Variants in HDLBP observed in about 807,000 individuals in gnomAD.
HDLBP encodes the protein vigilin.
Under a neutral mutation model 137.3 loss-of-function variants are expected in HDLBP, and 30 were observed. The ratio of observed to expected loss-of-function variants is 0.22; its 90% CI spans 0.16 to 0.30. The LOEUF (loss-of-function observed/expected upper bound fraction) is 0.30, where lower values mean the gene tolerates loss of function less well. Among genes scored for constraint, HDLBP ranks in the 10% least tolerant of loss-of-function variants. The pLI, the probability that HDLBP is intolerant of heterozygous loss-of-function variation, is 1.00. For missense variants in HDLBP, 1,119 were observed against 1,667.3 expected, an observed-to-expected ratio of 0.67 and a Z score of 5.73; for synonymous variants, 606 against 596.0, an observed-to-expected ratio of 1.02 and a Z score of -0.24.
intron 3 of HDLBP, 106 bp from the exon 4 acceptor site, chr2:241,264,711 A>G (rs2073514140): frequency 2.7e-6 from 3 of 1,131,612 alleles, no homozygotes; most frequent in African/African-American, 3.1e-5. Flanking sequence ...GAACCATCAA[A>G]TGCTCCAAGG....
rs1456326486 is a variant in HDLBP, at chr2:241,266,829, T to A, written c.41A>T (p.Glu14Val). 6.2e-7 allele frequency: 1 copy of A among 1,613,816 alleles called. No homozygotes were observed. The highest frequency in any genetic ancestry group is 8.5e-7 in the Non-Finnish European group (1 of 1,179,798). The change falls in exon 3 of 28, where the codon GAA (glutamate) becomes GTA (valine). Residue 14 changes from glutamate to valine, a missense_variant. Coordinates refer to ENST00000310931, the MANE Select transcript of HDLBP (RefSeq NM_005336.6). ...TTGCGGAACCAGCCCACTTCGGTGT[T>A]CAGCAAAACTCTCTTGGGTCAAAAC... The part of the protein sequence containing the change: ...VAVLTQESFA[E>V]HRSGLVPQQI...
chr2:241,290,807 C>T (rs183363746), intron 1 of HDLBP, among the ~76,000 whole-genome samples: 4 of 152,200 alleles, frequency 2.6e-5, no homozygotes, highest in African/African-American at 4.8e-5. Context: ...AATGTCAGAG[C>T]GGCGGCCTAA....
In HDLBP at chr2:241,240,593, C is replaced by G. The variant is rs2149399354; in HGVS notation, c.2170-471G>C. On this transcript the variant is annotated intron_variant, in intron 17 of 27. Coordinates refer to ENST00000310931, the MANE Select transcript of HDLBP (RefSeq NM_005336.6). The surrounding 1 kb of genome is among the most constrained non-coding windows in gnomAD (Gnocchi z 5.5). ...CAGACCAAGCACACACAAATCTGGG[C>G]CAGGCTCCCTTTCTTCCCACGAGTG... 6.6e-6 allele frequency among the ~76,000 whole-genome samples: 1 copy of G among 152,284 alleles called. No individual in the cohort carries two copies. The highest frequency in any genetic ancestry group is 1.9e-4 in the East Asian group (1 of 5,186).
chr2:241,259,107 C>T (rs748498358), intron 5 of HDLBP, among the ~76,000 whole-genome samples: 2 of 152,178 alleles, frequency 1.3e-5, no homozygotes, highest in African/African-American at 4.8e-5. Flanking sequence ...AATTACAGTA[C>T]GCCCACAGAA....
In HDLBP at chr2:241,272,714, C is replaced by T. The variant is rs1267593183; in HGVS notation, c.-102-4173G>A. Reference sequence around the variant, plus strand: ...CCCCCGCCCGGCAGCCCGCCCGCCCCGTCCGCCCGCCCGCCCAGGCCTCCC... The same window carrying T: ...CCCCCGCCCGGCAGCCCGCCCGCCCTGTCCGCCCGCCCGCCCAGGCCTCCC... On this transcript the variant is annotated intron_variant, in intron 1 of 27. Transcript: ENST00000310931. The surrounding 1 kb of genome is among the most constrained non-coding windows in gnomAD (Gnocchi z 5.6). 6.7e-6 allele frequency: 4 copies of T among 593,240 alleles called. No homozygotes were observed. Among genetic ancestry groups the T allele is most frequent in the African/African-American group, 6.3e-5 (3 of 47,934 alleles). 36.7% of individuals were successfully genotyped at this position (593,240 alleles called of 1,614,324 possible).
In HDLBP at chr2:241,235,176, GCCCGGT is replaced by G; in HGVS notation, c.3083_3088del (p.Asp1028_Arg1029del). ...CACACGCTCCAGCAGTCCAGCCTTGGCCCGGTCCAAATTTGCAGCGAGGCCCGTGAT... is the reference window on the plus strand; with the variant it reads ...CACACGCTCCAGCAGTCCAGCCTTGGCCAAATTTGCAGCGAGGCCCGTGAT... On this transcript the variant is annotated inframe_deletion, in exon 23 of 28. Transcript: ENST00000310931. The G allele has an allele frequency of 6.2e-7, 1 of 1,614,128 alleles. No homozygotes were observed. Among genetic ancestry groups the G allele is most frequent in the Non-Finnish European group, 8.5e-7 (1 of 1,180,026 alleles).
In HDLBP at chr2:241,239,683, C is replaced by G. The variant is rs756541532; in HGVS notation, c.2529G>C (p.Gln843His). Reference sequence around the variant, plus strand: ...CGCCCTTGAGGGTGACTTTGTCGCTCTGTGTGCCAGAGCGTGGGAAGCTGA... The same window carrying G: ...CGCCCTTGAGGGTGACTTTGTCGCTGTGTGTGCCAGAGCGTGGGAAGCTGA... ...VMVSFPRSGT[Q>H]SDKVTLKGAK... is the part of the protein sequence containing the mutation. Residue 843 changes from glutamine to histidine, a missense_variant, in exon 19 of 28, where the codon CAG (glutamine) becomes CAC (histidine). Physicochemically the swap from Gln to His is conservative, Grantham distance 24. This residue lies in a region of HDLBP where 618 missense variants were observed against 816.7 expected (regional missense o/e 0.76). Coordinates refer to ENST00000310931, the MANE Select transcript of HDLBP (RefSeq NM_005336.6). The surrounding 1 kb of genome is among the most constrained non-coding windows in gnomAD (Gnocchi z 4.6). The G allele has an allele frequency of 4.8e-5, 78 of 1,614,098 alleles. No individual in the cohort carries two copies. Among genetic ancestry groups the G allele is most frequent in the Non-Finnish European group, 5.8e-5 (69 of 1,180,044 alleles).
intron 1 of HDLBP, among the ~76,000 whole-genome samples, chr2:241,282,464 TC>T (rs1338018578): frequency 6.6e-6 from 1 of 152,184 alleles, no homozygotes; most frequent in African/African-American, 2.4e-5. Flanking sequence ...ATCTAACACT[TC>T]CTACTTCTAA....
At chr2:241,296,027 G>T (rs1464630313) in intron 1 of HDLBP, among the ~76,000 whole-genome samples, 1 of 143,790 alleles carries the variant, frequency 7.0e-6, no homozygotes, top group Non-Finnish European at 1.5e-5. Flanking sequence ...CATCCCAGTA[G>T]GATATTTTTT....
chr2:241,261,194 C>CAA (rs5839776), intron 5 of HDLBP, among the ~76,000 whole-genome samples: 46,468 of 106,194 alleles, frequency 0.44, 10,312 homozygotes, highest in East Asian at 0.66. Flanking sequence ...GATCCTGTCT[C>CAA]AAAAAAAAAA....
intron 1 of HDLBP, among the ~76,000 whole-genome samples, chr2:241,313,393 C>G (rs1028631912): frequency 6.6e-6 from 1 of 152,284 alleles, no homozygotes; most frequent in East Asian, 1.9e-4. Flanking sequence ...GATTCTCATG[C>G]CTCAGCCTCT....
In HDLBP at chr2:241,268,011, A is replaced by G. The variant is rs538310361; in HGVS notation, c.-38+466T>C. ...TCCTTCCCTCTCCTTCCCTCTCCCC[A>G]GTTCCAGGTGAGCTCCAAACTACTA... On this transcript the variant is annotated intron_variant, in intron 2 of 27. Transcript: ENST00000310931. 5.2e-6 allele frequency: 5 copies of G among 960,826 alleles called. No homozygotes were observed. The East Asian group carries it at 4.6e-4, about 88-fold the overall frequency. 59.5% of individuals were successfully genotyped at this position (960,826 alleles called of 1,614,324 possible).
In HDLBP at chr2:241,261,630, C is replaced by CT. The variant is rs773376192; in HGVS notation, c.450+1080dup. On this transcript the variant is annotated intron_variant, in intron 5 of 27. Transcript: ENST00000310931. ...CAAATATCCACTGACTAGCAGACAC[C>CT]TGGAAAACTTTCAGAGCCTATTATG... 1.3e-4 allele frequency among the ~76,000 whole-genome samples: 20 copies of CT among 152,346 alleles called. No homozygotes were observed. In the East Asian group the frequency reaches 3.9e-3, roughly 29 times the overall value.
At chr2:241,258,278 C>T (rs901991630) in intron 5 of HDLBP, among the ~76,000 whole-genome samples, 4 of 132,016 alleles carry the variant, frequency 3.0e-5, no homozygotes, top group Non-Finnish European at 4.6e-5. Flanking sequence ...ACCCGGGAGG[C>T]GGAGCTTGCA....
intron 1 of HDLBP, among the ~76,000 whole-genome samples, chr2:241,310,248 G>T (rs1297648659): frequency 2.0e-5 from 3 of 152,182 alleles, no homozygotes; most frequent in Admixed American, 1.3e-4. Flanking sequence ...TGGTAGAAGG[G>T]CTGGAAGACA....
chr2:241,247,229 C>T, intron 14 of HDLBP, 87 bp from the exon 15 acceptor site: 1 of 791,900 alleles, frequency 1.3e-6, no homozygotes, highest in African/African-American at 1.7e-5. Flanking sequence ...GTAGCATGAA[C>T]ACGACAGAGC....
Position 241,272,995 on chromosome 2 carries a change from G to A in HDLBP, c.-102-4454C>T. The A allele has an allele frequency of 1.0e-6, 1 of 984,410 alleles. No homozygotes were observed. The allele number at this position is 984,410 out of a possible 1,614,324, so 61.0% of individuals were successfully genotyped here. A position where few individuals can be genotyped will look rare whatever the true frequency, so the allele number is the denominator to read the frequency against. On this transcript the variant is annotated intron_variant, in intron 1 of 27. Coordinates refer to ENST00000310931, the MANE Select transcript of HDLBP (RefSeq NM_005336.6). This position sits in a 1 kb window ranked among gnomAD's most constrained non-coding sequence, Gnocchi z 5.6. ...AGGCGTGGTTCTGCATCCTTTTTTC[G>A]GGTGGGGAAGGCGGTGCCGAGGAGT... is the stretch of plus-strand genomic sequence containing the variant.
At chr2:241,260,402 G>A (rs950554044) in intron 5 of HDLBP, among the ~76,000 whole-genome samples, 1 of 152,192 alleles carries the variant, frequency 6.6e-6, no homozygotes, top group Non-Finnish European at 1.5e-5. Flanking sequence ...GCTCCAGCAT[G>A]AAGAATGATG....
intron 1 of HDLBP, among the ~76,000 whole-genome samples, chr2:241,285,064 A>T (rs186391682): frequency 9.2e-5 from 14 of 152,340 alleles, no homozygotes; most frequent in Admixed American, 2.6e-4. Flanking sequence ...TACTTTTAGT[A>T]GAGGCGGGGT....
Sources: gnomAD v4.1 joint callset for allele counts (sites outside exome capture counted in the v4.1 genomes callset) on GRCh38, gnomAD v4.1.1 for gene constraint, gnomAD v4.1.1 regional missense constraint, Gnocchi (gnomAD v3.1) non-coding constraint, MANE v1.5 for transcripts, NCBI Gene and HGNC (gene_info 2026-07-23, HGNC 2026-07-21) for gene names.